CABCOCO1: variants seen among roughly 807,000 people sequenced by gnomAD.
CABCOCO1 encodes ciliary-associated calcium-binding coiled-coil protein 1.
In CABCOCO1, 28 loss-of-function variants were observed where a neutral mutation model predicts 35.7. The observed-to-expected ratio is 0.78, with a 90% CI of 0.58 to 1.07. CABCOCO1 has a LOEUF of 1.07. Among genes scored for constraint, CABCOCO1 ranks in the 50% least tolerant of loss-of-function variants. The probability of loss-of-function intolerance (pLI) is 0.00; values close to 1 mark genes in which losing one functional copy is unlikely to be tolerated. For synonymous variants in CABCOCO1, 95 were observed against 100.1 expected, an observed-to-expected ratio of 0.95 and a Z score of 0.30; for missense variants, 326 against 309.2, an observed-to-expected ratio of 1.05 and a Z score of -0.41.
chr10:61,709,931 A>G (rs529429156), intron 5 of CABCOCO1, among the ~76,000 whole-genome samples: 1 of 152,134 alleles, frequency 6.6e-6, no homozygotes, highest in South Asian at 2.1e-4. Flanking sequence ...CCAAAACTAT[A>G]AAATGAATTA....
chr10:61,674,733 A>G (rs4547048), intron 2 of CABCOCO1, among the ~76,000 whole-genome samples: 1 of 152,024 alleles, frequency 6.6e-6, no homozygotes, highest in Admixed American at 6.5e-5. Context: ...AGCAGCCAAC[A>G]AAATGAAACA....
Position 61,686,024 on chromosome 10 carries a change from T to C in CABCOCO1, c.335-17T>C, listed in dbSNP as rs1839947651. 1.9e-6 allele frequency: 3 copies of C among 1,579,258 alleles called. No individual in the cohort carries two copies. The highest frequency in any genetic ancestry group is 1.4e-5 in the African/African-American group (1 of 72,754). ...CTATCAAAATAATAATTAAGATTTC[T>C]CTGGATTTTATTTCAGCACTACATA... On this transcript the variant is annotated splice_polypyrimidine_tract_variant and intron_variant, in intron 3 of 7. Coordinates refer to ENST00000648843, the MANE Select transcript of CABCOCO1 (RefSeq NM_001366906.2).
At position 61,680,582 on chromosome 10, in the gene CABCOCO1, A is replaced by G. The variant is rs540643981; in HGVS notation, c.165-561A>G. Among the ~76,000 whole-genome samples the G allele has an allele frequency of 6.0e-3, 538 of 89,894 alleles. 23 individuals carry two copies. Among genetic ancestry groups the G allele is most frequent in the Non-Finnish European group, 0.01 (455 of 44,634 alleles). The allele number at this position is 89,894 out of a possible 152,430, so 59.0% of individuals were successfully genotyped here. A position where few individuals can be genotyped will look rare whatever the true frequency, so the allele number is the denominator to read the frequency against. On this transcript the variant is annotated intron_variant, in intron 2 of 7. Coordinates refer to ENST00000648843, the MANE Select transcript of CABCOCO1 (RefSeq NM_001366906.2). Reference sequence around the variant, plus strand: ...TATATATTTGTATATATTATGTTATATATAACATATGTTATACATGTATAA... The same window carrying G: ...TATATATTTGTATATATTATGTTATGTATAACATATGTTATACATGTATAA...
At chr10:61,735,155 C>G (rs1377192179) in intron 5 of CABCOCO1, among the ~76,000 whole-genome samples, 1 of 151,826 alleles carries the variant, frequency 6.6e-6, no homozygotes. Context: ...GAAAATTTCC[C>G]TCAAAACAAT....
intron 5 of CABCOCO1, among the ~76,000 whole-genome samples, chr10:61,718,779 A>T (rs1840927767): frequency 6.6e-6 from 1 of 152,146 alleles, no homozygotes; most frequent in Admixed American, 6.6e-5. Flanking sequence ...GAAAGGTATT[A>T]ATATATATAT....
At chr10:61,710,303 T>A (rs896882073) in intron 5 of CABCOCO1, among the ~76,000 whole-genome samples, 2 of 150,538 alleles carry the variant, frequency 1.3e-5, no homozygotes, top group Admixed American at 6.6e-5. Flanking sequence ...TGTAGAGATA[T>A]AAATATAGAG....
At chr10:61,708,180 A>G (rs1027740282) in intron 5 of CABCOCO1, among the ~76,000 whole-genome samples, 2 of 150,834 alleles carry the variant, frequency 1.3e-5, no homozygotes, top group Non-Finnish European at 2.9e-5. Flanking sequence ...CAGCACATAG[A>G]CAGACGCATA....
intron 5 of CABCOCO1, among the ~76,000 whole-genome samples, chr10:61,735,517 T>G (rs1841397097): frequency 6.6e-6 from 1 of 152,126 alleles, no homozygotes; most frequent in African/African-American, 2.4e-5. Context: ...TGTTGTCCTA[T>G]GGAGGTCTTG....
chr10:61,668,064 G>A (rs1374914884), intron 1 of CABCOCO1, among the ~76,000 whole-genome samples: 2 of 151,564 alleles, frequency 1.3e-5, no homozygotes, highest in Non-Finnish European at 3.0e-5. Flanking sequence ...GAGTTTTGCT[G>A]CTGAATCTTA....
chr10:61,710,328 A>G (rs1428396587), intron 5 of CABCOCO1, among the ~76,000 whole-genome samples: 2 of 151,646 alleles, frequency 1.3e-5, no homozygotes, highest in African/African-American at 4.8e-5. Flanking sequence ...TGATAGAGAC[A>G]TCATTATAAT....
Position 61,758,781 on chromosome 10 carries a change from A to G in CABCOCO1, c.553-1278A>G, listed in dbSNP as rs1047067525. 2.2e-4 allele frequency among the ~76,000 whole-genome samples: 33 copies of G among 152,074 alleles called. 1 individual carries two copies. Among genetic ancestry groups the G allele is most frequent in the Non-Finnish European group, 8.8e-5 (6 of 67,992 alleles). On this transcript the variant is annotated intron_variant, in intron 5 of 7. Transcript: ENST00000648843. The stretch of plus-strand genomic sequence containing the variant: ...AAAGTTAGGACACGTTGGGGCTTCT[A>G]TATATTTACACTAAGCAACAACTTT...
At chr10:61,736,437 G>C (rs1391057558) in intron 5 of CABCOCO1, among the ~76,000 whole-genome samples, 2 of 152,114 alleles carry the variant, frequency 1.3e-5, no homozygotes, top group East Asian at 3.8e-4. Context: ...CTTCATGAAA[G>C]ATCAGATGGT....
intron 2 of CABCOCO1, among the ~76,000 whole-genome samples, chr10:61,674,635 G>A (rs1229994698): frequency 1.3e-5 from 2 of 152,100 alleles, no homozygotes; most frequent in Non-Finnish European, 2.9e-5. Flanking sequence ...AAATCATAGA[G>A]TCTACAAAGT....
chr10:61,691,650 C>G (rs900241107), intron 5 of CABCOCO1, among the ~76,000 whole-genome samples: 7 of 152,044 alleles, frequency 4.6e-5, no homozygotes, highest in Non-Finnish European at 1.5e-5. Context: ...CCTTGCCCCC[C>G]ACTCCCCAAC....
intron 5 of CABCOCO1, among the ~76,000 whole-genome samples, chr10:61,699,034 G>A (rs1481679894): frequency 1.3e-5 from 2 of 151,886 alleles, no homozygotes; most frequent in East Asian, 3.9e-4. Context: ...CTTTTTTCTT[G>A]TTGGATGATC....
intron 1 of CABCOCO1, among the ~76,000 whole-genome samples, chr10:61,666,876 A>C (rs1320183708): frequency 6.8e-6 from 1 of 147,086 alleles, no homozygotes; most frequent in Admixed American, 6.9e-5. Flanking sequence ...GAGAATAGCA[A>C]ATCCAAAACT....
rs1564532868 is a variant in CABCOCO1 at position 61,680,700 on chromosome 10, ATGT to A, written c.165-441_165-439del. 9.1e-5 allele frequency among the ~76,000 whole-genome samples: 11 copies of A among 120,942 alleles called. 1 individual carries two copies. The highest frequency in any genetic ancestry group is 1.3e-4 in the Non-Finnish European group (8 of 59,368). 79.3% of individuals were successfully genotyped at this position (120,942 alleles called of 152,430 possible). A position where few individuals can be genotyped will look rare whatever the true frequency, so the allele number is the denominator to read the frequency against. The stretch of plus-strand genomic sequence containing the variant: ...TATGTTATACATGTATAACATATAT[ATGT>A]TATACATGTATAACATATATATTAT... On this transcript the variant is annotated intron_variant, in intron 2 of 7. Transcript: ENST00000648843.
intron 5 of CABCOCO1, among the ~76,000 whole-genome samples, chr10:61,754,259 T>C (rs1841851377): frequency 6.6e-6 from 1 of 152,114 alleles, no homozygotes; most frequent in Non-Finnish European, 1.5e-5. Flanking sequence ...TAGAGCCAAG[T>C]CTAAAGCCTA....
chr10:61,685,670 C>T (rs1001070625), intron 3 of CABCOCO1, among the ~76,000 whole-genome samples: 4 of 152,170 alleles, frequency 2.6e-5, no homozygotes, highest in African/African-American at 9.7e-5. Flanking sequence ...AAGCCATCCT[C>T]CCAACTCAGC....
Sources: allele counts gnomAD v4.1 joint callset (sites outside exome capture counted in the v4.1 genomes callset), GRCh38; gene constraint gnomAD v4.1.1; transcripts MANE v1.5; gene names NCBI Gene and HGNC (gene_info 2026-07-23, HGNC 2026-07-21).